The following FGF12 variants were observed in gnomAD, a reference collection of about 807,000 sequenced individuals.
FGF12 encodes the protein fibroblast growth factor 12.
FGF12 carries 14 observed loss-of-function variants against 23.6 expected under a neutral mutation model. That is an observed-to-expected ratio of 0.59 (90% CI 0.39 to 0.93). The LOEUF is 0.93. Ranked by LOEUF, FGF12 falls within the 40% of genes least tolerant of loss-of-function variation. FGF12 has a pLI of 0.00. For missense variants in FGF12, 175 were observed against 217.8 expected, an observed-to-expected ratio of 0.80 and a Z score of 1.24; for synonymous variants, 62 against 77.3, an observed-to-expected ratio of 0.80 and a Z score of 1.04.
In FGF12 at chr3:192,716,272, C is replaced by T. The variant is rs116479525; in HGVS notation, c.13+10909G>A. Among the ~76,000 whole-genome samples, 473 of 152,250 alleles carry T rather than the reference C, an allele frequency of 3.1e-3. 1 individual carries two copies. Among genetic ancestry groups the T allele is most frequent in the African/African-American group, 0.011 (463 of 41,536 alleles). ...AAAACTGGTCAGAAAGTTGTCCTTACGATTCTGACATAAACAATGCAATGT... is the reference window on the plus strand; with the variant it reads ...AAAACTGGTCAGAAAGTTGTCCTTATGATTCTGACATAAACAATGCAATGT... On this transcript the variant is annotated intron_variant, in intron 2 of 5. Transcript: ENST00000445105.
intron 2 of FGF12, among the ~76,000 whole-genome samples, chr3:192,483,158 C>G (rs1723527613): frequency 1.3e-5 from 2 of 152,174 alleles, no homozygotes; most frequent in Non-Finnish European, 2.9e-5. Flanking sequence ...TATCTTGGCT[C>G]TTGTTATTCC....
intron 2 of FGF12, among the ~76,000 whole-genome samples, chr3:192,719,228 C>G (rs933340175): frequency 6.6e-6 from 1 of 152,142 alleles, no homozygotes; most frequent in African/African-American, 2.4e-5. Context: ...GTGCATACTA[C>G]AGTTAGAAAA....
intron 4 of FGF12, among the ~76,000 whole-genome samples, chr3:192,252,148 C>G (rs779129932): frequency 1.3e-5 from 2 of 151,628 alleles, no homozygotes; most frequent in Non-Finnish European, 2.9e-5. Flanking sequence ...CTCTAGGATG[C>G]GAAATATTCA....
chr3:192,421,619 A>G (rs1269983255), intron 2 of FGF12, among the ~76,000 whole-genome samples: 3 of 152,110 alleles, frequency 2.0e-5, no homozygotes, highest in Non-Finnish European at 4.4e-5. Flanking sequence ...GAGTTGAACA[A>G]TAAGAAAACA....
intron 4 of FGF12, among the ~76,000 whole-genome samples, chr3:192,252,999 A>G (rs947546680): frequency 1.3e-5 from 2 of 152,178 alleles, no homozygotes; most frequent in East Asian, 1.9e-4. Flanking sequence ...TGAAATGCAT[A>G]TCCTTGAAAA....
chr3:192,701,968 C>G (rs540840323), intron 2 of FGF12, among the ~76,000 whole-genome samples: 1 of 152,262 alleles, frequency 6.6e-6, no homozygotes. Flanking sequence ...GATCTTCAAA[C>G]TTATTCATCC....
At chr3:192,718,764 C>T (rs1354582742) in intron 2 of FGF12, among the ~76,000 whole-genome samples, 4 of 152,102 alleles carry the variant, frequency 2.6e-5, no homozygotes, top group Non-Finnish European at 5.9e-5. Context: ...ATTAATTCCT[C>T]AATAAAGTTA....
intron 4 of FGF12, among the ~76,000 whole-genome samples, chr3:192,190,171 C>G (rs1362521977): frequency 6.6e-6 from 1 of 152,080 alleles, no homozygotes; most frequent in Non-Finnish European, 1.5e-5. Context: ...TCTCTAGGAT[C>G]AAACACAGTG....
At chr3:192,701,831 G>A (rs558309961) in intron 2 of FGF12, among the ~76,000 whole-genome samples, 5 of 152,198 alleles carry the variant, frequency 3.3e-5, no homozygotes, top group South Asian at 4.1e-4. Context: ...CTACAGTCAA[G>A]CCAATTACCA....
intron 4 of FGF12, among the ~76,000 whole-genome samples, chr3:192,287,681 C>T (rs1412055318): frequency 6.6e-6 from 1 of 152,118 alleles, no homozygotes; most frequent in African/African-American, 2.4e-5. Flanking sequence ...GGGTATTCAT[C>T]TAGATTCCAA....
At chr3:192,695,028 CA>C (rs999151343) in intron 2 of FGF12, among the ~76,000 whole-genome samples, 13 of 147,034 alleles carry the variant, frequency 8.8e-5, no homozygotes, top group South Asian at 2.2e-4. Context: ...GTGTTCTTAA[CA>C]AAAAAAAAGA....
intron 4 of FGF12, among the ~76,000 whole-genome samples, chr3:192,246,602 T>A (rs1711581473): frequency 6.6e-6 from 1 of 151,966 alleles, no homozygotes; most frequent in Non-Finnish European, 1.5e-5. Context: ...GGTGGGTGGA[T>A]CACCTGAGGT....
intron 2 of FGF12, among the ~76,000 whole-genome samples, chr3:192,573,350 C>T (rs1712732921): frequency 6.6e-6 from 1 of 152,060 alleles, no homozygotes; most frequent in African/African-American, 2.4e-5. Flanking sequence ...CTAAGTATTC[C>T]TGCAACGTTG....
chr3:192,211,572 C>T (rs1212829439), intron 4 of FGF12, among the ~76,000 whole-genome samples: 7 of 151,838 alleles, frequency 4.6e-5, no homozygotes, highest in African/African-American at 1.7e-4. Flanking sequence ...ATTACAGGTG[C>T]CCCCCACCAC....
At chr3:192,465,867 C>A (rs972172559) in intron 2 of FGF12, among the ~76,000 whole-genome samples, 1 of 152,134 alleles carries the variant, frequency 6.6e-6, no homozygotes, top group Non-Finnish European at 1.5e-5. Context: ...CAGAAGCCTC[C>A]GCATGAATCT....
At chr3:192,655,335 C>A (rs558993859) in intron 2 of FGF12, among the ~76,000 whole-genome samples, 2 of 152,142 alleles carry the variant, frequency 1.3e-5, no homozygotes, top group Non-Finnish European at 2.9e-5. Flanking sequence ...GAAAGCATTC[C>A]ATTGACAGGC....
At chr3:192,723,284 T>C (rs899082676) in intron 2 of FGF12, among the ~76,000 whole-genome samples, 1 of 152,162 alleles carries the variant, frequency 6.6e-6, no homozygotes, top group African/African-American at 2.4e-5. Flanking sequence ...TTCTTTTTCA[T>C]TTCATTTTTG....
At chr3:192,246,889 GA>G (rs1236296327) in intron 4 of FGF12, among the ~76,000 whole-genome samples, 1 of 145,798 alleles carries the variant, frequency 6.9e-6, no homozygotes, top group Non-Finnish European at 1.5e-5. Context: ...GAGAGAAAGA[GA>G]GAGGAAGAAA....
intron 2 of FGF12, among the ~76,000 whole-genome samples, chr3:192,511,230 C>CGT (rs1321061776): frequency 1.4e-5 from 2 of 147,284 alleles, no homozygotes; most frequent in Non-Finnish European, 3.0e-5. Context: ...TGTACACACA[C>CGT]ACACACACAC....
Sources: allele counts gnomAD v4.1 joint callset (sites outside exome capture counted in the v4.1 genomes callset), GRCh38; gene constraint gnomAD v4.1.1; transcripts MANE v1.5; gene names NCBI Gene and HGNC (gene_info 2026-07-23, HGNC 2026-07-21).